Variants in NGFR observed in about 807,000 individuals in gnomAD.
NGFR encodes tumor necrosis factor receptor superfamily member 16.
NGFR carries 30 observed loss-of-function variants against 43.2 expected under a neutral mutation model. The observed-to-expected ratio is 0.69, with a 90% CI of 0.52 to 0.94. The LOEUF is 0.94. Ranked by LOEUF, NGFR falls within the 40% of genes least tolerant of loss-of-function variation. NGFR has a pLI of 0.00. For synonymous variants in NGFR, 246 were observed against 259.6 expected (o/e 0.95, Z 0.50); for missense variants, 529 against 602.5 (o/e 0.88, Z 1.28).
intron 2 of NGFR, among the ~76,000 whole-genome samples, chr17:49,504,769 C>CTTTTTTTT (rs67010321): frequency 9.0e-5 from 10 of 110,928 alleles, no homozygotes; most frequent in East Asian, 2.3e-4. Context: ...TTCTTTCTTT[C>CTTTTTTTT]TTTTTTTTTT....
intron 1 of NGFR, chr17:49,496,471 G>A (rs1445008409): frequency 6.6e-6 from 1 of 152,346 alleles, no homozygotes; most frequent in East Asian, 1.9e-4. Flanking sequence ...CCCTACCCGG[G>A]CTGGCGGTGG....
rs368662359 is a variant in NGFR, at chr17:49,502,045, C to T, written c.67-18C>T. 20 of 1,479,084 alleles carry T rather than the reference C, an allele frequency of 1.4e-5. No individual in the cohort carries two copies. In the East Asian group the frequency reaches 2.5e-4, roughly 18 times the overall value. The allele number at this position is 1,479,084 out of a possible 1,614,324, so 91.6% of individuals were successfully genotyped here. A position where few individuals can be genotyped will look rare whatever the true frequency, so the allele number is the denominator to read the frequency against. On this transcript the variant is annotated intron_variant, in intron 1 of 5. Transcript: ENST00000172229. ...GCTTTCTCTTGCCAGTCTGACCCTC[C>T]GATCTCCCTCCATCCAGGTGTCCCT...
At chr17:49,496,250 G>C (rs1394666078) in intron 1 of NGFR, 1 of 152,280 alleles carries the variant, frequency 6.6e-6, no homozygotes. Context: ...GCAGAGGCTT[G>C]GACATTTCCA....
chr17:49,512,316 A>C lies in NGFR; in HGVS notation c.982+264A>C, dbSNP rs2071238746. The stretch of plus-strand genomic sequence containing the variant: ...CCCCCCTGGGGGCTAATTATTGCCC[A>C]AAGTAGCTGCAATTAGCCTCTTGCC... On this transcript the variant is annotated intron_variant, in intron 5 of 5. Transcript: ENST00000172229. This position sits in a 1 kb window ranked among gnomAD's most constrained non-coding sequence, Gnocchi z 5.2. 6.6e-6 allele frequency among the ~76,000 whole-genome samples: 1 copy of C among 152,222 alleles called. No individual in the cohort carries two copies. The highest frequency in any genetic ancestry group is 2.1e-4 in the South Asian group (1 of 4,830).
chr17:49,503,118 C>G (rs1378293206), intron 2 of NGFR, among the ~76,000 whole-genome samples: 2 of 152,128 alleles, frequency 1.3e-5, no homozygotes, highest in African/African-American at 4.8e-5. Context: ...TGGGGTTTTA[C>G]CATGTGGACC....
At position 49,495,460 on chromosome 17, in the gene NGFR, C is replaced by T. The variant is rs762197520; in HGVS notation, c.43C>T (p.Leu15=). ...CGGCCGCGCCATGGACGGGCCGCGCCTGCTGCTGTTGCTGCTTCTGGGGGT... is the reference window on the plus strand; with the variant it reads ...CGGCCGCGCCATGGACGGGCCGCGCTTGCTGCTGTTGCTGCTTCTGGGGGT... ...ATGRAMDGPR[L]LLLLLLGVSL... Residue 15 remains leucine, a synonymous_variant, in exon 1 of 6, where the codon CTG becomes TTG. Transcript: ENST00000172229. The surrounding 1 kb of genome is among the most constrained non-coding windows in gnomAD (Gnocchi z 6.4). 16 of 1,236,558 alleles carry T rather than the reference C, an allele frequency of 1.3e-5. No homozygotes were observed. The African/African-American group carries it at 2.5e-4, about 19-fold the overall frequency. The allele number at this position is 1,236,558 out of a possible 1,614,324, so 76.6% of individuals were successfully genotyped here.
intron 1 of NGFR, among the ~76,000 whole-genome samples, chr17:49,501,573 C>T (rs983763460): frequency 6.6e-6 from 1 of 152,212 alleles, no homozygotes; most frequent in Non-Finnish European, 1.5e-5. Context: ...GCCCTGCTGG[C>T]CTTTGTTAGA....
rs1280454545 is a variant in NGFR at position 49,506,486 on chromosome 17, G to T, written c.396G>T (p.Ser132=). 3 of 1,610,558 alleles carry T rather than the reference G, an allele frequency of 1.9e-6. No individual in the cohort carries two copies. The highest frequency in any genetic ancestry group is 1.7e-5 in the Admixed American group (1 of 59,922). The change falls in exon 3 of 6, where the codon TCG becomes TCT. Residue 132 remains serine (S), a synonymous_variant. Coordinates refer to ENST00000172229, the MANE Select transcript of NGFR (RefSeq NM_002507.4). ...CEACRVCEAG[S]GLVFSCQDKQ... is the part of the protein sequence containing the mutation. ...CGTGCCGCGTGTGCGAGGCGGGCTC[G>T]GGCCTCGTGTTCTCCTGCCAGGACA... is the stretch of plus-strand genomic sequence containing the variant.
rs766733140 is a variant in NGFR, at chr17:49,506,578, C to T, written c.488C>T (p.Pro163Leu). 1 of 1,610,704 alleles carries T rather than the reference C, an allele frequency of 6.2e-7. No individual in the cohort carries two copies. The highest frequency in any genetic ancestry group is 8.5e-7 in the Non-Finnish European group (1 of 1,179,346). ...TYSDEANHVD[P>L]CLPCTVCEDT... ...TCCGACGAGGCCAACCACGTGGACCCGTGCCTGCCCTGCACCGTGTGCGAG... is the reference window on the plus strand; with the variant it reads ...TCCGACGAGGCCAACCACGTGGACCTGTGCCTGCCCTGCACCGTGTGCGAG... Residue 163 changes from proline (P) to leucine (L), a missense_variant, in exon 3 of 6, where the codon CCG (proline) becomes CTG (leucine). By Grantham distance (98) the Pro-to-Leu change is moderately conservative (BLOSUM62 -3). Coordinates refer to ENST00000172229, the MANE Select transcript of NGFR (RefSeq NM_002507.4).
chr17:49,496,932 C>G (rs530453227), intron 1 of NGFR: 1 of 152,258 alleles, frequency 6.6e-6, no homozygotes, highest in Non-Finnish European at 1.5e-5. Flanking sequence ...ACGGAGGAGG[C>G]GTCTTCACTC....
At chr17:49,503,775 G>A (rs1011312617) in intron 2 of NGFR, among the ~76,000 whole-genome samples, 8 of 152,266 alleles carry the variant, frequency 5.3e-5, no homozygotes, top group South Asian at 2.1e-4. Flanking sequence ...ATTCCAGGGC[G>A]GGGGTGGCCA....
chr17:49,499,882 C>T (rs887896075), intron 1 of NGFR, among the ~76,000 whole-genome samples: 19 of 152,136 alleles, frequency 1.2e-4, no homozygotes, highest in African/African-American at 2.4e-4. Flanking sequence ...CCACCACGCC[C>T]GGCCGGCACA....
In NGFR at chr17:49,512,947, A is replaced by G. The variant is rs1224024401; in HGVS notation, c.1222A>G (p.Ile408Val). 1 of 1,610,242 alleles carries G rather than the reference A, an allele frequency of 6.2e-7. No individual in the cohort carries two copies. Among genetic ancestry groups the G allele is most frequent in the Admixed American group, 1.7e-5 (1 of 59,836 alleles). Reference sequence around the variant, plus strand: ...CGCCCTCCTGGCCGCCCTGCGCCGCATCCAGCGAGCCGACCTCGTGGAGAG... The same window carrying G: ...CGCCCTCCTGGCCGCCCTGCGCCGCGTCCAGCGAGCCGACCTCGTGGAGAG... ...LDALLAALRR[I>V]QRADLVESLC... Residue 408 changes from isoleucine (I) to valine (V), a missense_variant, in exon 6 of 6, where the codon ATC becomes GTC. Ile to Val is a conservative substitution (Grantham distance 29). Transcript: ENST00000172229. This position sits in a 1 kb window ranked among gnomAD's most constrained non-coding sequence, Gnocchi z 5.2.
At chr17:49,506,848 C>A (rs79222344) in intron 3 of NGFR, among the ~76,000 whole-genome samples, 190 bp downstream of exon 3, 8 of 152,128 alleles carry the variant, frequency 5.3e-5, no homozygotes, top group African/African-American at 1.9e-4. Flanking sequence ...GGTCATTCCC[C>A]ATCCTGTCTC....
At chr17:49,505,666 G>C (rs2071192203) in intron 2 of NGFR, 1 of 152,408 alleles carries the variant, frequency 6.6e-6, no homozygotes, top group African/African-American at 2.4e-5. Context: ...CAGCTCTCTA[G>C]CTTCAGTGGC....
chr17:49,501,999 A>AGGCCCCCCCCCCC, intron 1 of NGFR, 64 bp from the exon 2 acceptor site: 10 of 330,984 alleles, frequency 3.0e-5, no homozygotes, highest in East Asian at 6.4e-5. Context: ...TCCCCGGAAG[A>AGGCCCCCCCCCCC]ACCCCCCCCA....
In NGFR at chr17:49,506,461, C is replaced by A; in HGVS notation, c.371C>A (p.Ala124Glu). 6.2e-7 allele frequency: 1 copy of A among 1,609,120 alleles called. No homozygotes were observed. The highest frequency in any genetic ancestry group is 1.1e-5 in the South Asian group (1 of 90,940). The stretch of plus-strand genomic sequence containing the variant: ...GATGAGACGACTGGGCGCTGCGAGG[C>A]GTGCCGCGTGTGCGAGGCGGGCTCG... The part of the protein sequence containing the change: ...YQDETTGRCE[A>E]CRVCEAGSGL... The change falls in exon 3 of 6, where the codon GCG (alanine) becomes GAG (glutamate). Residue 124 changes from alanine to glutamate, a missense_variant. Ala to Glu is a moderately radical substitution (Grantham distance 107). Transcript: ENST00000172229.
In NGFR at chr17:49,514,537, C is replaced by T. The variant is rs2071257477; in HGVS notation, c.*1528C>T. 6.6e-6 allele frequency: 1 copy of T among 152,150 alleles called. No homozygotes were observed. The highest frequency in any genetic ancestry group is 1.5e-5 in the Non-Finnish European group (1 of 68,096). The allele number at this position is 152,150 out of a possible 1,614,324, so 9.4% of individuals were successfully genotyped here. A position where few individuals can be genotyped will look rare whatever the true frequency, so the allele number is the denominator to read the frequency against. On this transcript the variant is annotated 3_prime_UTR_variant, in exon 6 of 6. Transcript: ENST00000172229. ...CCTGAAGTTGGAGTGAGTGTGGCTC[C>T]CCTCTATTTAGCATGACAAGCCCCA... is the stretch of plus-strand genomic sequence containing the variant.
chr17:49,499,102 T>C (rs2071153656), intron 1 of NGFR, among the ~76,000 whole-genome samples: 1 of 152,178 alleles, frequency 6.6e-6, no homozygotes, highest in African/African-American at 2.4e-5. Flanking sequence ...AAGAAGCAGA[T>C]CTAGGATTTT....
Sources: gnomAD v4.1 joint callset for allele counts (sites outside exome capture counted in the v4.1 genomes callset) on GRCh38, gnomAD v4.1.1 for gene constraint, Gnocchi (gnomAD v3.1) non-coding constraint, MANE v1.5 for transcripts, NCBI Gene and HGNC (gene_info 2026-07-23, HGNC 2026-07-21) for gene names.